Variants in MLLT6 observed in about 807,000 individuals in gnomAD.
MLLT6 encodes MLLT6, PHD finger containing.
Under a neutral mutation model 103.0 loss-of-function variants are expected in MLLT6, and 22 were observed. That is an observed-to-expected ratio of 0.21 (90% confidence interval 0.15 to 0.31). MLLT6 has a LOEUF of 0.31. Among genes scored for constraint, MLLT6 ranks in the 10% least tolerant of loss-of-function variants. The probability of loss-of-function intolerance (pLI) is 1.00; values close to 1 mark genes in which losing one functional copy is unlikely to be tolerated. For missense variants in MLLT6, 1,199 were observed against 1,441.7 expected (o/e 0.83, Z 2.73); for synonymous variants, 606 against 623.5 (o/e 0.97, Z 0.42).
rs772482763 is a variant in MLLT6, at chr17:38,715,614, C to T, written c.822C>T (p.Val274=). 42 of 1,610,848 alleles carry T rather than the reference C, an allele frequency of 2.6e-5. No homozygotes were observed. The highest frequency in any genetic ancestry group is 3.2e-5 in the Non-Finnish European group (38 of 1,178,686). ...CCTTCCTCTCTCCTCTCCTTCAGGT[C>T]TCCTCCTCGGCTTCCTCTTCCTCCC... The part of the protein sequence containing the change: ...TPPVVPTADK[V]SSSASSSSHH... Residue 274 remains valine, a splice_region_variant and synonymous_variant, in exon 9 of 20, where the codon GTC becomes GTT. Coordinates refer to ENST00000621332, the MANE Select transcript of MLLT6 (RefSeq NM_005937.4).
In MLLT6 at chr17:38,729,403, C is replaced by T. The variant is rs1906203375; in HGVS notation, c.*3805C>T. The T allele has an allele frequency of 1.3e-5, 3 of 233,574 alleles. No homozygotes were observed. The highest frequency in any genetic ancestry group is 2.5e-5 in the Non-Finnish European group (3 of 118,048). 14.5% of individuals were successfully genotyped at this position (233,574 alleles called of 1,614,324 possible). On this transcript the variant is annotated 3_prime_UTR_variant, in exon 20 of 20. Transcript: ENST00000621332. ...TAGCTCCCGACCACTTTGTCTTGAC[C>T]TACTGAAAAGTTGGGAACTGAGGGG...
chr17:38,713,084 G>A (rs886652407), intron 8 of MLLT6: 9 of 759,108 alleles, frequency 1.2e-5, no homozygotes, highest in Middle Eastern at 2.3e-4. Flanking sequence ...GTGGGGGACG[G>A]CACTCAGGCC....
In MLLT6 at chr17:38,729,515, G is replaced by T. The variant is rs1035788595; in HGVS notation, c.*3917G>T. ...GAGACCTCACCCCTGCTCCCGTCCC[G>T]CCCCCTTTCTATCCCAACCTGTTTC... On this transcript the variant is annotated 3_prime_UTR_variant, in exon 20 of 20. Transcript: ENST00000621332. The T allele has an allele frequency of 1.3e-5, 3 of 233,040 alleles. No homozygotes were observed. Among genetic ancestry groups the T allele is most frequent in the African/African-American group, 6.6e-5 (3 of 45,270 alleles). The allele number at this position is 233,040 out of a possible 1,614,324, so 14.4% of individuals were successfully genotyped here.
At chr17:38,712,841 G>A in intron 8 of MLLT6, 52 bp downstream of exon 8, 1 of 1,406,044 alleles carries the variant, frequency 7.1e-7, no homozygotes, top group Non-Finnish European at 1.0e-6. Context: ...GGGTGGCAGA[G>A]GGAGGGAGGC....
intron 14 of MLLT6, 108 bp from the exon 15 acceptor site, chr17:38,720,264 C>A: frequency 9.0e-7 from 1 of 1,116,616 alleles, no homozygotes; most frequent in East Asian, 2.6e-5. Flanking sequence ...AGGATGGCGC[C>A]GCCTTTTCAA....
At chr17:38,722,655 C>G (rs751698437) in intron 17 of MLLT6, 23 bp from the exon 18 acceptor site, 5 of 459,128 alleles carry the variant, frequency 1.1e-5, no homozygotes, top group Non-Finnish European at 1.2e-5. Context: ...TTGTCCCCCC[C>G]CCACCCCCCA....
intron 16 of MLLT6, among the ~76,000 whole-genome samples, chr17:38,721,607 A>T (rs1905741183): frequency 6.6e-6 from 1 of 152,224 alleles, no homozygotes; most frequent in African/African-American, 2.4e-5. Context: ...TCAGCCCAGG[A>T]TCTGGTTCAC....
rs1402041046 is a variant in MLLT6 at position 38,727,138 on chromosome 17, T to G, written c.*1540T>G. 2 of 233,102 alleles carry G rather than the reference T, an allele frequency of 8.6e-6. No individual in the cohort carries two copies. Among genetic ancestry groups the G allele is most frequent in the South Asian group, 1.8e-4 (1 of 5,522 alleles). 14.4% of individuals were successfully genotyped at this position (233,102 alleles called of 1,614,324 possible). On this transcript the variant is annotated 3_prime_UTR_variant, in exon 20 of 20. Coordinates refer to ENST00000621332, the MANE Select transcript of MLLT6 (RefSeq NM_005937.4). ...GTTTGGGTTTTTGTTGTTGGGTTTTTTTTTTTTTTTTAATAAAGAAAAGAA... is the reference window on the plus strand; with the variant it reads ...GTTTGGGTTTTTGTTGTTGGGTTTTGTTTTTTTTTTTAATAAAGAAAAGAA...
At chr17:38,705,779 G>A in intron 1 of MLLT6, 38 bp downstream of exon 1, 5 of 1,104,020 alleles carry the variant, frequency 4.5e-6, no homozygotes, top group South Asian at 6.8e-5. Context: ...GGGACCCCGG[G>A]GGCGGCGTGC....
At position 38,719,127 on chromosome 17, in the gene MLLT6, TTAA is replaced by T. The variant is rs574011892; in HGVS notation, c.1943-386_1943-384del. 7.6e-5 allele frequency: 22 copies of T among 290,562 alleles called. 2 individuals are homozygous for T. The South Asian group carries it at 1.5e-3, about 20-fold the overall frequency. 18.0% of individuals were successfully genotyped at this position (290,562 alleles called of 1,614,324 possible). ...TCACATTTATTACCTTCTTTTAATC[TTAA>T]TAACAGTCACTTCGGAGAGGCTGGT... On this transcript the variant is annotated intron_variant, in intron 12 of 19. Coordinates refer to ENST00000621332, the MANE Select transcript of MLLT6 (RefSeq NM_005937.4).
At position 38,717,847 on chromosome 17, in the gene MLLT6, G is replaced by A; in HGVS notation, c.1836G>A (p.Val612=). 7.4e-6 allele frequency: 12 copies of A among 1,611,808 alleles called. No individual in the cohort carries two copies. Among genetic ancestry groups the A allele is most frequent in the Non-Finnish European group, 8.5e-6 (10 of 1,177,982 alleles). Residue 612 remains valine, a splice_region_variant and synonymous_variant, in exon 12 of 20, where the codon GTG becomes GTA. Transcript: ENST00000621332. ...GGGATTCTACCTCCCTCCCTTAGGT[G>A]TTTTCTCTGGCTGGCTCTACCTTTA... The part of the protein sequence containing the change: ...SSSASISTTQ[V]FSLAGSTFSL...
intron 16 of MLLT6, 138 bp downstream of exon 16, chr17:38,720,885 TAATC>T (rs1038217356): frequency 2.4e-5 from 18 of 748,902 alleles, no homozygotes; most frequent in Non-Finnish European, 3.5e-5. Flanking sequence ...AGTCCTCCCT[TAATC>T]AAGTAATATT....
intron 4 of MLLT6, 66 bp downstream of exon 4, chr17:38,707,938 T>G: frequency 1.0e-6 from 1 of 1,002,974 alleles, no homozygotes; most frequent in Non-Finnish European, 1.6e-6. Context: ...CAACGCTCTC[T>G]TCATCCGGTG....
At chr17:38,720,983 C>T in intron 16 of MLLT6, 1 of 582,054 alleles carries the variant, frequency 1.7e-6, no homozygotes, top group South Asian at 2.1e-5. Context: ...AGATAGGCTA[C>T]CCCAAGCAAA....
At position 38,717,905 on chromosome 17, in the gene MLLT6, A is replaced by T. The variant is rs1255344387; in HGVS notation, c.1894A>T (p.Met632Leu). 1.2e-6 allele frequency: 2 copies of T among 1,613,802 alleles called. No homozygotes were observed. The highest frequency in any genetic ancestry group is 2.7e-5 in the African/African-American group (2 of 74,878). The change falls in exon 12 of 20, where the codon ATG (methionine) becomes TTG (leucine). Residue 632 changes from methionine to leucine, a missense_variant. Around this residue, in one of 7 missense-constraint regions of MLLT6, gnomAD observed 1,034 missense variants for 1,091.5 expected, o/e 0.95. Coordinates refer to ENST00000621332, the MANE Select transcript of MLLT6 (RefSeq NM_005937.4). Reference sequence around the variant, plus strand: ...TTCTACCCACATCTTTGGAACCCCCATGGGTGCCGTTAATCCCCTCCTCTC... The same window carrying T: ...TTCTACCCACATCTTTGGAACCCCCTTGGGTGCCGTTAATCCCCTCCTCTC... ...LPSTHIFGTP[M>L]GAVNPLLSQA...
At chr17:38,717,151 G>A (rs563801140) in intron 10 of MLLT6, among the ~76,000 whole-genome samples, 170 bp downstream of exon 10, 2 of 152,352 alleles carry the variant, frequency 1.3e-5, no homozygotes, top group South Asian at 4.1e-4. Context: ...GGAGTAGAAA[G>A]GATTGGGGAC....
In MLLT6 at chr17:38,724,856, C is replaced by T. The variant is rs377382596; in HGVS notation, c.3120C>T (p.Ala1040=). The T allele has an allele frequency of 1.0e-4, 160 of 1,575,896 alleles. No individual in the cohort carries two copies. In the African/African-American group the frequency reaches 1.3e-3, roughly 13 times the overall value. The change falls in exon 19 of 20, where the codon GCC becomes GCT. Residue 1040 remains alanine, a synonymous_variant. Coordinates refer to ENST00000621332, the MANE Select transcript of MLLT6 (RefSeq NM_005937.4). The surrounding 1 kb of genome is among the most constrained non-coding windows in gnomAD (Gnocchi z 5.4). ...TTGGCAACAACACAAGTCTCATGGC[C>T]GCAGCAGCTGCAGCTGCAGCAGTAG... ...PSLGNNTSLM[A]AAAAAAAVAA...
At chr17:38,717,702 A>G (rs773431133) in intron 11 of MLLT6, 89 bp downstream of exon 11, 24 of 1,497,072 alleles carry the variant, frequency 1.6e-5, no homozygotes, top group South Asian at 2.3e-5. Flanking sequence ...AATTGGAGCA[A>G]CTGGGCTGAG....
chr17:38,717,224 C>T (rs1301745657), intron 10 of MLLT6, among the ~76,000 whole-genome samples: 1 of 152,062 alleles, frequency 6.6e-6, no homozygotes, highest in Non-Finnish European at 1.5e-5. Flanking sequence ...AATTCTGTAG[C>T]CCTCGGCAGG....
Sources: gnomAD v4.1 joint callset for allele counts (sites outside exome capture counted in the v4.1 genomes callset) on GRCh38, gnomAD v4.1.1 for gene constraint, gnomAD v4.1.1 regional missense constraint, Gnocchi (gnomAD v3.1) non-coding constraint, MANE v1.5 for transcripts, NCBI Gene and HGNC (gene_info 2026-07-23, HGNC 2026-07-21) for gene names.